Variants in SRGAP3 observed in about 807,000 individuals in gnomAD.
SRGAP3 encodes the protein SLIT-ROBO Rho GTPase activating protein 3.
A neutral mutation model predicts 121.1 loss-of-function variants in SRGAP3; 39 were observed. The ratio of observed to expected loss-of-function variants is 0.32; its 90% CI spans 0.25 to 0.42. The LOEUF (loss-of-function observed/expected upper bound fraction) is 0.42, where lower values mean the gene tolerates loss of function less well. SRGAP3 is among the 10% of genes least tolerant of loss of function. The pLI is 1.00. For synonymous variants in SRGAP3, 601 were observed against 570.0 expected (o/e 1.05, Z -0.77); for missense variants, 1,213 against 1,470.6 (o/e 0.82, Z 2.86).
chr3:9,162,840 T>C (rs1273087784), intron 1 of SRGAP3, among the ~76,000 whole-genome samples: 1 of 152,154 alleles, frequency 6.6e-6, no homozygotes, highest in Non-Finnish European at 1.5e-5. Context: ...GAGGTTTAGT[T>C]GAAATAGTGT....
chr3:9,294,087 C>G (rs1954912108), intron 3 of SRGAP3, among the ~76,000 whole-genome samples: 1 of 152,218 alleles, frequency 6.6e-6, no homozygotes, highest in Non-Finnish European at 1.5e-5. Flanking sequence ...AACGTAAATG[C>G]CCATCAATGA....
At chr3:9,002,350 G>A (rs1351054375) in intron 18 of SRGAP3, among the ~76,000 whole-genome samples, 1 of 152,066 alleles carries the variant, frequency 6.6e-6, no homozygotes, top group East Asian at 1.9e-4. Flanking sequence ...AATAACTAGT[G>A]GTTGAAGAAA....
chr3:9,338,705 T>C (rs952672674), intron 1 of SRGAP3, among the ~76,000 whole-genome samples: 3 of 152,216 alleles, frequency 2.0e-5, no homozygotes, highest in African/African-American at 4.8e-5. Context: ...GTGTTAACCA[T>C]GCACCATCAG....
At chr3:9,180,844 C>A (rs1951371451) in intron 1 of SRGAP3, among the ~76,000 whole-genome samples, 1 of 152,068 alleles carries the variant, frequency 6.6e-6, no homozygotes, top group Non-Finnish European at 1.5e-5. Flanking sequence ...CAAATGCCAG[C>A]GAGTCTCTCC....
In SRGAP3 at chr3:8,982,972, A is replaced by T. The variant is rs1941498172; in HGVS notation, c.*2547T>A. 1 of 229,124 alleles carries T rather than the reference A, an allele frequency of 4.4e-6. No homozygotes were observed. Among genetic ancestry groups the T allele is most frequent in the South Asian group, 1.8e-4 (1 of 5,496 alleles). 14.2% of individuals were successfully genotyped at this position (229,124 alleles called of 1,614,324 possible). On this transcript the variant is annotated 3_prime_UTR_variant, in exon 22 of 22. Transcript: ENST00000383836. ...TTCAGAGAAAAATCCACACGGTCTG[A>T]TTGGTGTTATGTATATCAGGCAACA...
At chr3:9,252,801 A>G (rs1255098164), upstream of SRGAP3, among the ~76,000 whole-genome samples, 1 of 151,484 alleles carries the variant, frequency 6.6e-6, no homozygotes, top group Non-Finnish European at 1.5e-5. Context: ...TGCTATTCCC[A>G]ATGTTTACCC....
chr3:9,331,786 C>T (rs1424563898), intron 1 of SRGAP3, among the ~76,000 whole-genome samples: 1 of 152,152 alleles, frequency 6.6e-6, no homozygotes, highest in Non-Finnish European at 1.5e-5. Context: ...AAATGAAATA[C>T]CACATGGAGA....
chr3:9,085,163 G>C (rs959369318), intron 3 of SRGAP3, among the ~76,000 whole-genome samples: 3 of 152,222 alleles, frequency 2.0e-5, no homozygotes. Flanking sequence ...TGCTCAGGCA[G>C]ACAGCCCTCA....
At chr3:9,216,534 A>G (rs1154398) in intron 1 of SRGAP3, 28,002 of 152,616 alleles carry the variant, frequency 0.18, 2,714 homozygotes, top group East Asian at 0.35. Flanking sequence ...CAGAGCAGAT[A>G]CCCTAAGAAA....
upstream of SRGAP3, among the ~76,000 whole-genome samples, chr3:9,251,459 T>A (rs1437108086): frequency 1.3e-5 from 2 of 152,074 alleles, no homozygotes; most frequent in African/African-American, 4.8e-5. Flanking sequence ...GAGATTAACA[T>A]CCCTGCTGCA....
At chr3:9,093,238 C>T (rs889086217) in intron 3 of SRGAP3, among the ~76,000 whole-genome samples, 1 of 152,160 alleles carries the variant, frequency 6.6e-6, no homozygotes, top group South Asian at 2.1e-4. Context: ...ATCACTTTAA[C>T]CTCTTTGTCA....
intron 1 of SRGAP3, among the ~76,000 whole-genome samples, chr3:9,351,644 G>T (rs1373139655): frequency 1.3e-5 from 2 of 152,168 alleles, no homozygotes; most frequent in Non-Finnish European, 2.9e-5. Context: ...GGTCCCATAA[G>T]ATTATAATAC....
At chr3:9,184,387 A>G (rs1032251553) in intron 1 of SRGAP3, among the ~76,000 whole-genome samples, 1 of 152,156 alleles carries the variant, frequency 6.6e-6, no homozygotes, top group Non-Finnish European at 1.5e-5. Flanking sequence ...GGGACCTTCA[A>G]CACCAGGTGT....
intron 4 of SRGAP3, among the ~76,000 whole-genome samples, chr3:9,068,242 G>A (rs1946521652): frequency 6.6e-6 from 1 of 152,186 alleles, no homozygotes; most frequent in Admixed American, 6.5e-5. Flanking sequence ...TCTATTTACA[G>A]CTAGATCTTC....
At position 9,095,878 on chromosome 3, in the gene SRGAP3, G is replaced by C. The variant is rs527416346; in HGVS notation, c.423+8802C>G. Among the ~76,000 whole-genome samples, 403 of 152,146 alleles carry C rather than the reference G, an allele frequency of 2.6e-3. 4 individuals carry two copies. Among genetic ancestry groups the C allele is most frequent in the African/African-American group, 9.3e-3 (385 of 41,522 alleles). ...AGGCCAGGAGTTCAAAACCAGCCTG[G>C]GCAACAAAGTGAGACCCTGTCTGTA... On this transcript the variant is annotated intron_variant, in intron 3 of 21. Coordinates refer to ENST00000383836, the MANE Select transcript of SRGAP3 (RefSeq NM_014850.4).
intron 1 of SRGAP3, among the ~76,000 whole-genome samples, chr3:9,163,408 C>A (rs748435257): frequency 2.0e-5 from 3 of 152,168 alleles, no homozygotes; most frequent in Non-Finnish European, 4.4e-5. Context: ...GCAGACGGTG[C>A]GGCTCCCTTC....
chr3:9,296,217 A>T (rs1954952810), intron 3 of SRGAP3, among the ~76,000 whole-genome samples: 2 of 152,222 alleles, frequency 1.3e-5, no homozygotes, highest in African/African-American at 4.8e-5. Context: ...GAACAATCAT[A>T]CTGTTTTCCA....
chr3:9,051,417 A>G (rs765624749), intron 9 of SRGAP3, among the ~76,000 whole-genome samples: 5 of 152,186 alleles, frequency 3.3e-5, no homozygotes, highest in Non-Finnish European at 7.3e-5. Context: ...TCTGCAGGTG[A>G]CACAGGTTTG....
intron 3 of SRGAP3, among the ~76,000 whole-genome samples, chr3:9,287,511 G>C (rs1323839315): frequency 1.3e-5 from 2 of 152,058 alleles, no homozygotes; most frequent in Non-Finnish European, 2.9e-5. Flanking sequence ...AGATATTTTA[G>C]TGGTTTCTCC....
Sources: gnomAD v4.1 joint callset for allele counts (sites outside exome capture counted in the v4.1 genomes callset) on GRCh38, gnomAD v4.1.1 for gene constraint, MANE v1.5 for transcripts, NCBI Gene and HGNC (gene_info 2026-07-23, HGNC 2026-07-21) for gene names.